AGBL4: variants seen among roughly 807,000 people sequenced by gnomAD.
AGBL4 encodes the protein AGBL carboxypeptidase 4, also known as cytosolic carboxypeptidase 6.
In AGBL4, 58 loss-of-function variants were observed where a neutral mutation model predicts 66.4. The ratio of observed to expected loss-of-function variants is 0.87; its 90% confidence interval spans 0.71 to 1.09. The LOEUF (loss-of-function observed/expected upper bound fraction) is 1.09. Ranked by LOEUF, AGBL4 falls within the 50% of genes least tolerant of loss-of-function variation. The pLI is 0.00. For synonymous variants in AGBL4, 234 were observed against 222.9 expected, an observed-to-expected ratio of 1.05 and a Z score of -0.44; for missense variants, 579 against 631.0, an observed-to-expected ratio of 0.92 and a Z score of 0.88.
chr1:49,310,420 T>A (rs1644922428), intron 3 of AGBL4, among the ~76,000 whole-genome samples: 1 of 152,062 alleles, frequency 6.6e-6, no homozygotes, highest in African/African-American at 2.4e-5. Flanking sequence ...TGGTTTGGAC[T>A]AGGGAAGCAT....
At position 49,117,421 on chromosome 1, in the gene AGBL4, T is replaced by G. The variant is rs904480711; in HGVS notation, c.378-71621A>C. Among the ~76,000 whole-genome samples, 44 of 152,214 alleles carry G rather than the reference T, an allele frequency of 2.9e-4. 1 individual carries two copies. The highest frequency in any genetic ancestry group is 1.0e-4 in the Non-Finnish European group (7 of 68,038). On this transcript the variant is annotated intron_variant, in intron 4 of 13. Coordinates refer to ENST00000371839, the MANE Select transcript of AGBL4 (RefSeq NM_032785.4). ...ATAAGGTGTAAGGAGGGGATCCAGT[T>G]TCAGCTTTCTACATATGGCTAGCCA...
intron 3 of AGBL4, among the ~76,000 whole-genome samples, chr1:49,386,410 G>T (rs1001585023): frequency 4.0e-5 from 6 of 151,702 alleles, no homozygotes; most frequent in Admixed American, 3.3e-4. Context: ...GATTGACACT[G>T]AAAGATTATA....
At chr1:48,722,634 G>A (rs952977626) in intron 6 of AGBL4, among the ~76,000 whole-genome samples, 23 of 152,166 alleles carry the variant, frequency 1.5e-4, no homozygotes, top group African/African-American at 5.1e-4. Context: ...GACAAGTATC[G>A]TGTTAGCCAA....
chr1:49,149,445 T>C (rs187408018), intron 4 of AGBL4, among the ~76,000 whole-genome samples: 76 of 152,278 alleles, frequency 5.0e-4, no homozygotes, highest in Admixed American at 8.5e-4. Flanking sequence ...TGGTGGTATG[T>C]GAAAGGCAGT....
chr1:49,028,698 C>T (rs1030867268), intron 5 of AGBL4, among the ~76,000 whole-genome samples: 6 of 152,098 alleles, frequency 3.9e-5, no homozygotes, highest in Non-Finnish European at 5.9e-5. Flanking sequence ...ACAAATCTGT[C>T]AATATGATTC....
intron 3 of AGBL4, among the ~76,000 whole-genome samples, chr1:49,252,585 G>T (rs527791275): frequency 7.2e-5 from 11 of 152,182 alleles, no homozygotes; most frequent in African/African-American, 2.2e-4. Context: ...TTCACAAGAA[G>T]ATCATCCCAA....
chr1:49,355,234 C>T (rs1643995468), intron 3 of AGBL4, among the ~76,000 whole-genome samples: 1 of 152,160 alleles, frequency 6.6e-6, no homozygotes, highest in Admixed American at 6.6e-5. Flanking sequence ...ATGTCAAATT[C>T]ATCACATACA....
At chr1:49,114,796 A>G (rs935517839) in intron 4 of AGBL4, among the ~76,000 whole-genome samples, 2 of 152,186 alleles carry the variant, frequency 1.3e-5, no homozygotes, top group African/African-American at 4.8e-5. Context: ...TGGAGCTTTC[A>G]GAACACATAC....
At chr1:48,766,604 G>A (rs1644543718) in intron 6 of AGBL4, among the ~76,000 whole-genome samples, 1 of 152,224 alleles carries the variant, frequency 6.6e-6, no homozygotes, top group African/African-American at 2.4e-5. Context: ...AGTCCAGGAA[G>A]CTCTGAGGTG....
chr1:49,873,563 G>A (rs1328062731), intron 1 of AGBL4, among the ~76,000 whole-genome samples: 5 of 152,054 alleles, frequency 3.3e-5, no homozygotes, highest in Non-Finnish European at 7.4e-5. Flanking sequence ...GCTACTCTAT[G>A]TTCACCTTAT....
At chr1:49,421,616 CTAA>C (rs1455831113) in intron 3 of AGBL4, among the ~76,000 whole-genome samples, 3 of 152,042 alleles carry the variant, frequency 2.0e-5, no homozygotes, top group African/African-American at 4.8e-5. Flanking sequence ...AAAATAAACA[CTAA>C]TAATAATAAT....
At chr1:49,216,406 C>A (rs1017562669) in intron 4 of AGBL4, among the ~76,000 whole-genome samples, 4 of 152,184 alleles carry the variant, frequency 2.6e-5, no homozygotes, top group Non-Finnish European at 4.4e-5. Flanking sequence ...CCTTTCCCTA[C>A]CCTCCTTCCC....
Position 49,026,991 on chromosome 1 carries a change from TTG to T in AGBL4, c.594+18591_594+18592del, listed in dbSNP as rs536422772. Among the ~76,000 whole-genome samples the T allele has an allele frequency of 7.0e-4, 107 of 152,176 alleles. 1 individual carries two copies. Among genetic ancestry groups the T allele is most frequent in the African/African-American group, 2.3e-3 (94 of 41,538 alleles). ...AATTATTTAATTCCAATAAAATTGATTGTGTTTTCTTGTATTTGTAATGAGGG... is the reference window on the plus strand; with the variant it reads ...AATTATTTAATTCCAATAAAATTGATTGTTTTCTTGTATTTGTAATGAGGG... On this transcript the variant is annotated intron_variant, in intron 5 of 13. Transcript: ENST00000371839.
At chr1:49,495,425 T>C (rs533376749) in intron 3 of AGBL4, among the ~76,000 whole-genome samples, 1 of 152,088 alleles carries the variant, frequency 6.6e-6, no homozygotes, top group Non-Finnish European at 1.5e-5. Flanking sequence ...CCCAAGACAA[T>C]TATCCTTCCA....
intron 4 of AGBL4, among the ~76,000 whole-genome samples, chr1:49,190,338 T>C (rs1360374721): frequency 6.6e-6 from 1 of 152,240 alleles, no homozygotes; most frequent in African/African-American, 2.4e-5. Context: ...GCTTTGTTCC[T>C]AGGTACACAG....
intron 3 of AGBL4, among the ~76,000 whole-genome samples, chr1:49,302,814 CT>C (rs1644778937): frequency 6.6e-6 from 1 of 151,768 alleles, no homozygotes; most frequent in African/African-American, 2.4e-5. Flanking sequence ...GATGTTCTCC[CT>C]CCCCCTGCCC....
chr1:49,948,176 A>G (rs1388923840), intron 1 of AGBL4, among the ~76,000 whole-genome samples: 9 of 99,990 alleles, frequency 9.0e-5, no homozygotes, highest in Admixed American at 3.1e-4. Flanking sequence ...ATAAATATAT[A>G]TAACTATATA....
At chr1:49,565,167 C>T (rs1644162401) in intron 3 of AGBL4, among the ~76,000 whole-genome samples, 1 of 152,108 alleles carries the variant, frequency 6.6e-6, no homozygotes, top group African/African-American at 2.4e-5. Flanking sequence ...GGTAGATCTT[C>T]CTCCATCCCT....
intron 2 of AGBL4, among the ~76,000 whole-genome samples, chr1:49,775,021 C>T (rs1219630472): frequency 6.6e-6 from 1 of 151,962 alleles, no homozygotes; most frequent in African/African-American, 2.4e-5. Flanking sequence ...TTATGAGATA[C>T]ACAGGCAATG....
Sources: allele counts gnomAD v4.1 joint callset (sites outside exome capture counted in the v4.1 genomes callset), GRCh38; gene constraint gnomAD v4.1.1; transcripts MANE v1.5; gene names NCBI Gene and HGNC (gene_info 2026-07-23, HGNC 2026-07-21).